Variants in TRAPPC9 observed in about 807,000 individuals in gnomAD.
TRAPPC9 encodes the protein trafficking protein particle complex subunit 9.
TRAPPC9 carries 83 observed loss-of-function variants against 124.0 expected under a neutral mutation model. That is an observed-to-expected ratio of 0.67 (90% CI 0.56 to 0.80). TRAPPC9 has a LOEUF of 0.80. Among genes scored for constraint, TRAPPC9 ranks in the 30% least tolerant of loss-of-function variants. The probability of loss-of-function intolerance (pLI) is 0.00; values close to 1 mark genes in which losing one functional copy is unlikely to be tolerated. For missense variants in TRAPPC9, 1,302 were observed against 1,508.3 expected (o/e 0.86, Z 2.27); for synonymous variants, 638 against 617.5 (o/e 1.03, Z -0.49).
At chr8:140,294,934 G>A (rs564101705) in intron 11 of TRAPPC9, among the ~76,000 whole-genome samples, 2 of 152,282 alleles carry the variant, frequency 1.3e-5, no homozygotes, top group South Asian at 2.1e-4. Flanking sequence ...TTTGCTGAAA[G>A]AAGGAGATAA....
intron 17 of TRAPPC9, among the ~76,000 whole-genome samples, chr8:140,214,426 C>A (rs2063142427): frequency 2.6e-5 from 4 of 152,232 alleles, no homozygotes; most frequent in Admixed American, 1.3e-4. Context: ...TAGTCCAGAG[C>A]TGCTCTTGTT....
intron 17 of TRAPPC9, among the ~76,000 whole-genome samples, chr8:140,081,641 G>A (rs992630345): frequency 2.6e-5 from 4 of 152,072 alleles, no homozygotes; most frequent in Admixed American, 6.5e-5. Context: ...CACTGCGCCC[G>A]GCCAATCAGT....
chr8:139,884,932 G>A (rs772845127), intron 21 of TRAPPC9, among the ~76,000 whole-genome samples: 4 of 152,340 alleles, frequency 2.6e-5, no homozygotes, highest in South Asian at 2.1e-4. Flanking sequence ...CCAGGCTGAA[G>A]GGCGCTGGTG....
chr8:140,291,008 A>C lies in TRAPPC9; in HGVS notation c.1839T>G (p.Leu613=). 1 of 1,614,204 alleles carries C rather than the reference A, an allele frequency of 6.2e-7. No individual in the cohort carries two copies. The highest frequency in any genetic ancestry group is 8.5e-7 in the Non-Finnish European group (1 of 1,180,020). The change falls in exon 12 of 23, where the codon CTT becomes CTG. Residue 613 remains leucine, a synonymous_variant. Transcript: ENST00000438773. The part of the protein sequence containing the change: ...LMVYNPMPFE[L]RVENMGLLTS... ...TGATACATACCATGTTTTCAACTCG[A>C]AGTTCAAACGGCATTGGGTTATATA... is the stretch of plus-strand genomic sequence containing the variant.
At position 140,252,066 on chromosome 8, in the gene TRAPPC9, C is replaced by T. The variant is rs2064143682; in HGVS notation, c.2431+711G>A. On this transcript the variant is annotated intron_variant, in intron 16 of 22. Transcript: ENST00000438773. The surrounding 1 kb of genome is among the most constrained non-coding windows in gnomAD (Gnocchi z 4.2). ...TTGAGATGGAGTCTCACTGTGTTGC[C>T]CAGGCTGGAGTGCAGTGGCGTGATC... 6.6e-6 allele frequency among the ~76,000 whole-genome samples: 1 copy of T among 151,658 alleles called. No individual in the cohort carries two copies.
At chr8:139,797,054 A>C (rs1823150308) in intron 21 of TRAPPC9, among the ~76,000 whole-genome samples, 1 of 152,198 alleles carries the variant, frequency 6.6e-6, no homozygotes, top group Non-Finnish European at 1.5e-5. Flanking sequence ...CTCTTTGAAA[A>C]AATTTCTATT....
intron 21 of TRAPPC9, among the ~76,000 whole-genome samples, chr8:139,774,321 C>T (rs1444522222): frequency 6.6e-6 from 1 of 152,074 alleles, no homozygotes; most frequent in African/African-American, 2.4e-5. Context: ...CAGGAGAAAC[C>T]GGAGGATGGA....
At chr8:140,060,905 G>A (rs1234808088) in intron 17 of TRAPPC9, among the ~76,000 whole-genome samples, 1 of 152,198 alleles carries the variant, frequency 6.6e-6, no homozygotes, top group African/African-American at 2.4e-5. Context: ...TGAATTCTTA[G>A]GCTCTCCAAA....
intron 19 of TRAPPC9, among the ~76,000 whole-genome samples, chr8:139,914,400 C>G (rs1831965850): frequency 6.6e-6 from 1 of 152,238 alleles, no homozygotes; most frequent in Non-Finnish European, 1.5e-5. Flanking sequence ...CAGTCATCTT[C>G]CAGAGAGGAA....
intron 17 of TRAPPC9, among the ~76,000 whole-genome samples, chr8:140,137,765 C>T (rs2061327639): frequency 6.6e-6 from 1 of 152,184 alleles, no homozygotes; most frequent in African/African-American, 2.4e-5. Context: ...ATATGAAACA[C>T]TGAGGTTTGG....
intron 18 of TRAPPC9, among the ~76,000 whole-genome samples, chr8:139,997,158 A>C (rs931888654): frequency 6.6e-6 from 1 of 152,214 alleles, no homozygotes; most frequent in Non-Finnish European, 1.5e-5. Context: ...CTGCACAGGG[A>C]AACAATGAAT....
At chr8:139,830,020 A>G (rs1825871715) in intron 21 of TRAPPC9, among the ~76,000 whole-genome samples, 1 of 152,208 alleles carries the variant, frequency 6.6e-6, no homozygotes, top group South Asian at 2.1e-4. Context: ...ATGGAAGGAG[A>G]GAGAGAAGAT....
intron 8 of TRAPPC9, among the ~76,000 whole-genome samples, chr8:140,361,665 T>C (rs1193141925): frequency 6.6e-6 from 1 of 152,238 alleles, no homozygotes; most frequent in Non-Finnish European, 1.5e-5. Flanking sequence ...CCTGTTCCAC[T>C]GTTTCACTAA....
intron 16 of TRAPPC9, among the ~76,000 whole-genome samples, chr8:140,232,179 C>A (rs2063615737): frequency 6.6e-6 from 1 of 152,086 alleles, no homozygotes; most frequent in Non-Finnish European, 1.5e-5. Context: ...CTCAAACGAT[C>A]CTCCCACCTT....
intron 21 of TRAPPC9, among the ~76,000 whole-genome samples, chr8:139,782,318 T>G (rs1382692971): frequency 6.6e-6 from 1 of 152,180 alleles, no homozygotes; most frequent in East Asian, 1.9e-4. Context: ...AAGTGGAGGT[T>G]GCAGTGAGCA....
chr8:140,000,647 G>A (rs554810673), intron 18 of TRAPPC9, among the ~76,000 whole-genome samples: 1 of 152,332 alleles, frequency 6.6e-6, no homozygotes, highest in East Asian at 1.9e-4. Flanking sequence ...ACCATCACTG[G>A]TCATCAGAGA....
At position 140,241,424 on chromosome 8, in the gene TRAPPC9, C is replaced by T. The variant is rs1476223615; in HGVS notation, c.2431+11353G>A. ...TCAAAAATAAAAATTGGGCCAGGCG[C>T]GGTGGCACCCGCCTGTAATCCCAGC... On this transcript the variant is annotated intron_variant, in intron 16 of 22. Coordinates refer to ENST00000438773, the MANE Select transcript of TRAPPC9 (RefSeq NM_001160372.4). The surrounding 1 kb of genome is among the most constrained non-coding windows in gnomAD (Gnocchi z 5.0). Among the ~76,000 whole-genome samples, 2 of 149,922 alleles carry T rather than the reference C, an allele frequency of 1.3e-5. No homozygotes were observed. Among genetic ancestry groups the T allele is most frequent in the Non-Finnish European group, 1.5e-5 (1 of 67,538 alleles).
chr8:140,033,148 CAG>C (rs1211908221), intron 17 of TRAPPC9, among the ~76,000 whole-genome samples: 1 of 152,146 alleles, frequency 6.6e-6, no homozygotes. Context: ...TGTCTGCAGA[CAG>C]AGACAGTTTT....
At chr8:139,851,488 G>A (rs557255549) in intron 21 of TRAPPC9, among the ~76,000 whole-genome samples, 10 of 152,206 alleles carry the variant, frequency 6.6e-5, no homozygotes, top group East Asian at 3.9e-4. Flanking sequence ...GCATGGGACC[G>A]GGCCTGCTTT....
Sources: gnomAD v4.1 joint callset for allele counts (sites outside exome capture counted in the v4.1 genomes callset) on GRCh38, gnomAD v4.1.1 for gene constraint, Gnocchi (gnomAD v3.1) non-coding constraint, MANE v1.5 for transcripts, NCBI Gene and HGNC (gene_info 2026-07-23, HGNC 2026-07-21) for gene names.